The following MOB3B variants were observed in gnomAD, a reference collection of about 807,000 sequenced individuals.
MOB3B encodes MOB kinase activator 3B.
Under a neutral mutation model 18.7 loss-of-function variants are expected in MOB3B, and 7 were observed. The observed-to-expected ratio is 0.37, with a 90% CI of 0.21 to 0.70. The LOEUF (loss-of-function observed/expected upper bound fraction) is 0.70, where lower values mean the gene tolerates loss of function less well. Among genes scored for constraint, MOB3B ranks in the 30% least tolerant of loss-of-function variants. The pLI is 0.52. For synonymous variants in MOB3B, 111 were observed against 99.9 expected (o/e 1.11, Z -0.66); for missense variants, 253 against 281.3 (o/e 0.90, Z 0.72).
chr9:27,399,904 C>T (rs1036379167), intron 2 of MOB3B, among the ~76,000 whole-genome samples: 1 of 152,160 alleles, frequency 6.6e-6, no homozygotes, highest in African/African-American at 2.4e-5. Context: ...GACCTTCAAA[C>T]CCGGCTCGAA....
chr9:27,367,165 T>C (rs1230274759), intron 2 of MOB3B, among the ~76,000 whole-genome samples: 1 of 152,178 alleles, frequency 6.6e-6, no homozygotes, highest in East Asian at 1.9e-4. Flanking sequence ...GCTGAGCTCC[T>C]GTGCCGCCTG....
intron 2 of MOB3B, among the ~76,000 whole-genome samples, chr9:27,364,900 G>A (rs1010440128): frequency 4.6e-5 from 7 of 152,078 alleles, no homozygotes; most frequent in Non-Finnish European, 1.0e-4. Context: ...TTCTGGACTT[G>A]CAAAAAACTT....
At chr9:27,340,160 C>T (rs958427837) in intron 3 of MOB3B, among the ~76,000 whole-genome samples, 7 of 152,202 alleles carry the variant, frequency 4.6e-5, no homozygotes, top group South Asian at 2.1e-4. Flanking sequence ...CAACAGCCCA[C>T]ATTACTGACA....
At chr9:27,424,653 G>A (rs756401693) in intron 2 of MOB3B, among the ~76,000 whole-genome samples, 2 of 152,256 alleles carry the variant, frequency 1.3e-5, no homozygotes, top group East Asian at 1.9e-4. Context: ...CAGTGGGTGC[G>A]CAGACTCTAC....
At chr9:27,359,257 A>G (rs754327598) in intron 2 of MOB3B, 21 bp from the exon 3 acceptor site, 1 of 1,604,794 alleles carries the variant, frequency 6.2e-7, no homozygotes, top group Admixed American at 1.7e-5. Context: ...AAAAAAGAAG[A>G]AAGAATGAAA....
intron 1 of MOB3B, among the ~76,000 whole-genome samples, chr9:27,477,499 G>T (rs1819572464): frequency 6.6e-6 from 1 of 152,196 alleles, no homozygotes; most frequent in African/African-American, 2.4e-5. Flanking sequence ...CCATGAGAAT[G>T]TAAACTATAC....
At chr9:27,468,351 A>G (rs1283182420) in intron 1 of MOB3B, among the ~76,000 whole-genome samples, 1 of 152,192 alleles carries the variant, frequency 6.6e-6, no homozygotes, top group African/African-American at 2.4e-5. Context: ...GTCTGGGAAC[A>G]TGATTATCAG....
intron 2 of MOB3B, among the ~76,000 whole-genome samples, chr9:27,387,949 A>C (rs191313360): frequency 1.0e-3 from 151 of 147,052 alleles, no homozygotes; most frequent in African/African-American, 3.6e-3. Flanking sequence ...TTTGCCCCCC[A>C]CAGGCAACAT....
chr9:27,519,469 C>A (rs1039797533), intron 1 of MOB3B, among the ~76,000 whole-genome samples: 1 of 152,158 alleles, frequency 6.6e-6, no homozygotes, highest in Non-Finnish European at 1.5e-5. Flanking sequence ...TAAAAATATA[C>A]ACCCAAGTCC....
chr9:27,470,125 A>AAAAAG (rs950452632), intron 1 of MOB3B, among the ~76,000 whole-genome samples: 1 of 150,092 alleles, frequency 6.7e-6, no homozygotes, highest in Non-Finnish European at 1.5e-5. Flanking sequence ...AAAAAAAAAA[A>AAAAAG]AAAGAAAAGA....
At chr9:27,404,777 C>T (rs1050663416) in intron 2 of MOB3B, among the ~76,000 whole-genome samples, 2 of 152,118 alleles carry the variant, frequency 1.3e-5, no homozygotes, top group East Asian at 1.9e-4. Flanking sequence ...TGGATATATA[C>T]TCAGCAATGG....
At position 27,330,562 on chromosome 9, in the gene MOB3B, T is replaced by G. The variant is rs751386695; in HGVS notation, c.*25A>C. 18 of 1,613,626 alleles carry G rather than the reference T, an allele frequency of 1.1e-5. No individual in the cohort carries two copies. The South Asian group carries it at 1.6e-4, about 15-fold the overall frequency. On this transcript the variant is annotated 3_prime_UTR_variant, in exon 4 of 4. Coordinates refer to ENST00000262244, the MANE Select transcript of MOB3B (RefSeq NM_024761.5). ...GGCACCAGGAGGAAACAGCTTTCCT[T>G]TCTTCCAAAGGGTGAGGTGGAGCAT...
intron 2 of MOB3B, among the ~76,000 whole-genome samples, chr9:27,448,888 C>A (rs1161125156): frequency 5.3e-5 from 8 of 152,158 alleles, no homozygotes; most frequent in Non-Finnish European, 1.2e-4. Flanking sequence ...CTTTTCCCAT[C>A]CTCTTGAAGG....
chr9:27,355,367 G>A (rs992800289), intron 3 of MOB3B, among the ~76,000 whole-genome samples: 58 of 152,090 alleles, frequency 3.8e-4, no homozygotes, highest in African/African-American at 1.2e-3. Flanking sequence ...ATGTTCTAAG[G>A]GAAACTGGCT....
chr9:27,393,844 T>C (rs1821762593), intron 2 of MOB3B, among the ~76,000 whole-genome samples: 1 of 151,988 alleles, frequency 6.6e-6, no homozygotes, highest in Non-Finnish European at 1.5e-5. Context: ...AAATCCAGAA[T>C]CCAAACTCCA....
chr9:27,516,320 A>G (rs967269568), intron 1 of MOB3B, among the ~76,000 whole-genome samples: 1 of 152,214 alleles, frequency 6.6e-6, no homozygotes, highest in African/African-American at 2.4e-5. Context: ...GAAGTAAAGA[A>G]ACCAGGCAAA....
intron 2 of MOB3B, among the ~76,000 whole-genome samples, chr9:27,409,992 T>C (rs988501074): frequency 3.3e-5 from 5 of 152,224 alleles, no homozygotes; most frequent in African/African-American, 1.2e-4. Flanking sequence ...GAAAAAGTTC[T>C]GGAAATGGAT....
At chr9:27,432,986 G>T (rs1199781898) in intron 2 of MOB3B, among the ~76,000 whole-genome samples, 1 of 151,856 alleles carries the variant, frequency 6.6e-6, no homozygotes, top group East Asian at 1.9e-4. Flanking sequence ...ATAGATTCAG[G>T]AATACCCTTT....
chr9:27,358,861 G>A (rs1821230428), intron 3 of MOB3B, 173 bp downstream of exon 3: 3 of 775,358 alleles, frequency 3.9e-6, no homozygotes, highest in Non-Finnish European at 7.0e-6. Flanking sequence ...GGTGACAGTG[G>A]ACATCTTGGC....
Sources: gnomAD v4.1 joint callset for allele counts (sites outside exome capture counted in the v4.1 genomes callset) on GRCh38, gnomAD v4.1.1 for gene constraint, MANE v1.5 for transcripts, NCBI Gene and HGNC (gene_info 2026-07-23, HGNC 2026-07-21) for gene names.